Variants in CUL1 observed in about 807,000 individuals in gnomAD.
CUL1 encodes the protein cullin 1.
Under a neutral mutation model 118.0 loss-of-function variants are expected in CUL1, and 24 were observed. The ratio of observed to expected loss-of-function variants is 0.20; its 90% CI spans 0.15 to 0.29. The LOEUF is 0.29. Among genes scored for constraint, CUL1 ranks in the 10% least tolerant of loss-of-function variants. CUL1 has a pLI of 1.00. For synonymous variants in CUL1, 332 were observed against 340.4 expected (o/e 0.98, Z 0.27); for missense variants, 361 against 933.8 (o/e 0.39, Z 7.99).
rs187266858 is a variant in CUL1 at position 148,770,726 on chromosome 7, C to T, written c.1083+2977C>T. Among the ~76,000 whole-genome samples, 241 of 152,194 alleles carry T rather than the reference C, an allele frequency of 1.6e-3. 12 individuals carry two copies. In the East Asian group the frequency reaches 0.032, roughly 20 times the overall value. On this transcript the variant is annotated intron_variant, in intron 9 of 21. Coordinates refer to ENST00000325222, the MANE Select transcript of CUL1 (RefSeq NM_003592.3). ...GAAGCTCAGGGGGAGCGTGGGTGCC[C>T]GGGCCATAGCCTGGCACACAGTAGG... is the stretch of plus-strand genomic sequence containing the variant.
Position 148,703,593 on chromosome 7 carries a change from C to T in CUL1, c.-162+4564C>T, listed in dbSNP as rs562324321. Among the ~76,000 whole-genome samples, 9 of 151,960 alleles carry T rather than the reference C, an allele frequency of 5.9e-5. No individual in the cohort carries two copies. In the East Asian group the frequency reaches 7.8e-4, roughly 13 times the overall value. ...TGTCGCCCCCACTGGAGTGCAGTGG[C>T]GTGATCTCGGCTCACTGCAACCTCC... is the stretch of plus-strand genomic sequence containing the variant. On this transcript the variant is annotated intron_variant, in intron 1 of 21. Transcript: ENST00000325222.
chr7:148,774,537 G>C (rs1362424393), intron 9 of CUL1, among the ~76,000 whole-genome samples: 1 of 152,194 alleles, frequency 6.6e-6, no homozygotes, highest in Non-Finnish European at 1.5e-5. Flanking sequence ...CAGTTGCTCA[G>C]CAGTCTGGAT....
intron 15 of CUL1, 130 bp downstream of exon 15, chr7:148,789,956 G>A: frequency 7.0e-6 from 6 of 852,372 alleles, no homozygotes; most frequent in South Asian, 4.5e-5. Flanking sequence ...TGAACCATGG[G>A]GGCAACACTC....
chr7:148,787,197 T>G lies in CUL1; in HGVS notation c.1479+77T>G. 1 of 1,487,582 alleles carries G rather than the reference T, an allele frequency of 6.7e-7. No homozygotes were observed. Among genetic ancestry groups the G allele is most frequent in the South Asian group, 1.2e-5 (1 of 83,786 alleles). 92.1% of individuals were successfully genotyped at this position (1,487,582 alleles called of 1,614,324 possible). On this transcript the variant is annotated intron_variant, in intron 13 of 21. Coordinates refer to ENST00000325222, the MANE Select transcript of CUL1 (RefSeq NM_003592.3). This position sits in a 1 kb window ranked among gnomAD's most constrained non-coding sequence, Gnocchi z 5.5. ...CAGCTCTATGGCCGAGCGCGGTGGC[T>G]CATGCCTGTAATCCCAGCACTTTGG...
chr7:148,754,253 T>G (rs1799586850), intron 3 of CUL1, 103 bp downstream of exon 3: 1 of 758,286 alleles, frequency 1.3e-6, no homozygotes, highest in Non-Finnish European at 2.1e-6. Context: ...TGTTACTGTT[T>G]TAGACACTAA....
At chr7:148,730,863 G>C (rs967516272) in intron 2 of CUL1, among the ~76,000 whole-genome samples, 1 of 152,092 alleles carries the variant, frequency 6.6e-6, no homozygotes, top group Non-Finnish European at 1.5e-5. Flanking sequence ...CCAGGCTGGA[G>C]TGCAGTGGTA....
chr7:148,757,865 G>C (rs1195283496), intron 4 of CUL1, among the ~76,000 whole-genome samples: 1 of 152,208 alleles, frequency 6.6e-6, no homozygotes, highest in Non-Finnish European at 1.5e-5. Context: ...AAAACCATCA[G>C]ATCTCGTGAG....
chr7:148,742,598 G>GTTTTTTTTTTTTTTTTTTTTTT (rs59592789), intron 2 of CUL1, among the ~76,000 whole-genome samples: 2 of 112,172 alleles, frequency 1.8e-5, no homozygotes, highest in Non-Finnish European at 1.8e-5. Context: ...ACCTTTTCTG[G>GTTTTTTTTTTTTTTTTTTTTTT]TTTTTTTTTT....
At chr7:148,755,552 G>A (rs562619965) in intron 3 of CUL1, among the ~76,000 whole-genome samples, 1 of 152,264 alleles carries the variant, frequency 6.6e-6, no homozygotes, top group East Asian at 1.9e-4. Context: ...TGTTTCTAAG[G>A]TCTTGCTGAA....
intron 7 of CUL1, among the ~76,000 whole-genome samples, chr7:148,764,111 T>A (rs754163859): frequency 6.6e-6 from 1 of 152,218 alleles, no homozygotes; most frequent in Non-Finnish European, 1.5e-5. Context: ...TTAAAAACTT[T>A]AAAAATATAC....
At chr7:148,771,920 C>A (rs982147529) in intron 9 of CUL1, among the ~76,000 whole-genome samples, 4 of 152,132 alleles carry the variant, frequency 2.6e-5, no homozygotes, top group Non-Finnish European at 5.9e-5. Context: ...TTCACGTGGT[C>A]ATTTTAAAAA....
chr7:148,797,914 G>A (rs566158807), intron 18 of CUL1, 23 bp from the exon 19 acceptor site: 1 of 1,610,464 alleles, frequency 6.2e-7, no homozygotes, highest in South Asian at 1.1e-5. Flanking sequence ...TGAGATTGTA[G>A]AGTAACAATT....
intron 3 of CUL1, among the ~76,000 whole-genome samples, chr7:148,755,531 T>TC (rs1799627139): frequency 6.6e-6 from 1 of 152,192 alleles, no homozygotes; most frequent in Admixed American, 6.5e-5. Flanking sequence ...ATTTTCATCT[T>TC]CCCCAAATGG....
intron 2 of CUL1, among the ~76,000 whole-genome samples, chr7:148,748,854 A>G (rs761358507): frequency 2.6e-5 from 4 of 152,242 alleles, no homozygotes; most frequent in Non-Finnish European, 5.9e-5. Context: ...TTTTGAAGGT[A>G]AAATACATTT....
At chr7:148,791,223 G>T (rs1388297957) in intron 16 of CUL1, among the ~76,000 whole-genome samples, 1 of 152,150 alleles carries the variant, frequency 6.6e-6, no homozygotes, top group Non-Finnish European at 1.5e-5. Context: ...GTACTGAGTG[G>T]TCTTCACAAG....
intron 2 of CUL1, among the ~76,000 whole-genome samples, chr7:148,738,556 C>T (rs188488204): frequency 1.2e-3 from 179 of 152,288 alleles, no homozygotes; most frequent in Admixed American, 2.0e-3. Context: ...TACCTGCTTA[C>T]GTTCTCACCT....
At chr7:148,797,108 C>A (rs1801226824) in intron 17 of CUL1, among the ~76,000 whole-genome samples, 1 of 152,102 alleles carries the variant, frequency 6.6e-6, no homozygotes, top group Non-Finnish European at 1.5e-5. Context: ...GATGAGAGGC[C>A]ACACAACGTG....
chr7:148,800,883 C>T lies in CUL1; in HGVS notation c.*301C>T, dbSNP rs577115013. ...AAGTCAATACATGGGCTCCCCGATT[C>T]GCAGCTGTCGTCTTGGCAGCACTTG... On this transcript the variant is annotated 3_prime_UTR_variant, in exon 22 of 22. Transcript: ENST00000325222. This position sits in a 1 kb window ranked among gnomAD's most constrained non-coding sequence, Gnocchi z 4.6. The T allele has an allele frequency of 2.5e-5, 6 of 240,844 alleles. No homozygotes were observed. Among genetic ancestry groups the T allele is most frequent in the East Asian group, 1.9e-4 (2 of 10,682 alleles). 14.9% of individuals were successfully genotyped at this position (240,844 alleles called of 1,614,324 possible). A position where few individuals can be genotyped will look rare whatever the true frequency, so the allele number is the denominator to read the frequency against.
At chr7:148,785,999 G>T (rs893160964) in intron 11 of CUL1, among the ~76,000 whole-genome samples, 1 of 152,166 alleles carries the variant, frequency 6.6e-6, no homozygotes, top group Admixed American at 6.5e-5. Flanking sequence ...GAAAAGACCT[G>T]TACAAAAATT....
Sources: allele counts gnomAD v4.1 joint callset (sites outside exome capture counted in the v4.1 genomes callset), GRCh38; gene constraint gnomAD v4.1.1; non-coding constraint Gnocchi (gnomAD v3.1); transcripts MANE v1.5; gene names NCBI Gene and HGNC (gene_info 2026-07-23, HGNC 2026-07-21).